The following GSE1 variants were observed in gnomAD, a reference collection of about 807,000 sequenced individuals.
GSE1 encodes genetic suppressor element 1.
In GSE1, 32 loss-of-function variants were observed where a neutral mutation model predicts 112.6. That is an observed-to-expected ratio of 0.28 (90% CI 0.21 to 0.38). The LOEUF (loss-of-function observed/expected upper bound fraction) is 0.38. Among genes scored for constraint, GSE1 ranks in the 10% least tolerant of loss-of-function variants. The probability of loss-of-function intolerance (pLI) is 1.00; values close to 1 mark genes in which losing one functional copy is unlikely to be tolerated. For missense variants in GSE1, 2,348 were observed against 1,699.2 expected (o/e 1.38, Z -6.71); for synonymous variants, 1,115 against 735.6 (o/e 1.52, Z -8.35).
In GSE1 at chr16:85,648,561, T is replaced by A; in HGVS notation, c.236T>A (p.Leu79Gln). ...KQAEEPRGSSLSSESSPVSSP... is the reference protein window; with the variant it reads ...KQAEEPRGSSQSSESSPVSSP... ...GTCTTCTCCTCCACAGGGTCCTCAC[T>A]GAGCAGCGAGTCGTCCCCCGTGTCC... Residue 79 changes from leucine to glutamine, a missense_variant, in exon 3 of 16, where the codon CTG (leucine) becomes CAG (glutamine). Transcript: ENST00000253458. 6.4e-7 allele frequency: 1 copy of A among 1,559,586 alleles called. No homozygotes were observed. The highest frequency in any genetic ancestry group is 8.7e-7 in the Non-Finnish European group (1 of 1,151,536).
At chr16:85,502,774 G>A (rs78096384) in intron 2 of GSE1, among the ~76,000 whole-genome samples, 17,996 of 152,262 alleles carry the variant, frequency 0.12, 1,170 homozygotes, top group South Asian at 0.26. Flanking sequence ...GAAGGACTGC[G>A]TTTACTCTGG....
intron 1 of GSE1, among the ~76,000 whole-genome samples, chr16:85,246,498 ACAC>A (rs1411973143): frequency 9.5e-5 from 3 of 31,534 alleles, no homozygotes; most frequent in South Asian, 1.1e-3. Context: ...CACACTCTAC[ACAC>A]CCCCCCCCCC....
chr16:85,458,753 A>T (rs2049900326), intron 2 of GSE1, among the ~76,000 whole-genome samples: 1 of 152,200 alleles, frequency 6.6e-6, no homozygotes. Context: ...TGTCCTCCCC[A>T]GCACTGCTGG....
chr16:85,635,554 G>A (rs1474920989), intron 2 of GSE1, among the ~76,000 whole-genome samples: 1 of 152,340 alleles, frequency 6.6e-6, no homozygotes, highest in East Asian at 1.9e-4. Flanking sequence ...CTGGGAGGAA[G>A]CTGAGCTTGG....
intron 2 of GSE1, among the ~76,000 whole-genome samples, chr16:85,640,786 C>A (rs190578271): frequency 1.3e-5 from 2 of 152,258 alleles, no homozygotes; most frequent in African/African-American, 4.8e-5. Flanking sequence ...GCGCGCCTCG[C>A]GTGGGTGTCA....
intron 1 of GSE1, among the ~76,000 whole-genome samples, chr16:85,176,480 G>C (rs576533676): frequency 6.6e-6 from 1 of 152,254 alleles, no homozygotes; most frequent in Non-Finnish European, 1.5e-5. Flanking sequence ...GGCTTCCCCA[G>C]TGTGGACCAT....
upstream of GSE1, among the ~76,000 whole-genome samples, chr16:85,551,496 G>A (rs752624333): frequency 5.3e-5 from 8 of 152,200 alleles, no homozygotes; most frequent in African/African-American, 1.4e-4. Context: ...AATCCTTCCC[G>A]CTACCCCGTT....
chr16:85,402,093 C>T (rs924743060), intron 2 of GSE1, among the ~76,000 whole-genome samples: 4 of 152,230 alleles, frequency 2.6e-5, no homozygotes, highest in African/African-American at 7.2e-5. Context: ...AGTTTGAGAA[C>T]CACTGGCCCA....
At chr16:85,384,618 C>T (rs1179731704) in intron 2 of GSE1, among the ~76,000 whole-genome samples, 2 of 152,208 alleles carry the variant, frequency 1.3e-5, no homozygotes, top group African/African-American at 4.8e-5. Context: ...AAGCTGGGAC[C>T]TGTGCAGGCG....
At chr16:85,520,261 C>T (rs2151150442) in intron 2 of GSE1, among the ~76,000 whole-genome samples, 1 of 152,246 alleles carries the variant, frequency 6.6e-6, no homozygotes, top group Admixed American at 6.5e-5. Flanking sequence ...GAGGGCCGCG[C>T]TCTCATGCCC....
intron 1 of GSE1, among the ~76,000 whole-genome samples, chr16:85,261,356 A>G (rs1175923124): frequency 6.6e-6 from 1 of 152,234 alleles, no homozygotes; most frequent in South Asian, 2.1e-4. Context: ...TTCCATCTGT[A>G]CAGTGAGCAG....
upstream of GSE1, chr16:85,611,407 C>G (rs1294077155): frequency 5.3e-6 from 5 of 946,988 alleles, no homozygotes; most frequent in East Asian, 3.5e-4. Flanking sequence ...CGCGGCCGAG[C>G]CACCGTGTGG....
At chr16:85,633,023 G>GCCGCCA (rs1030143650) in intron 1 of GSE1, among the ~76,000 whole-genome samples, 1 of 152,104 alleles carries the variant, frequency 6.6e-6, no homozygotes, top group African/African-American at 2.4e-5. Context: ...TGCCGCCGCC[G>GCCGCCA]CCGCCGCTGT....
intron 2 of GSE1, among the ~76,000 whole-genome samples, chr16:85,646,564 TG>T (rs1312250217): frequency 6.6e-6 from 1 of 152,128 alleles, no homozygotes; most frequent in Non-Finnish European, 1.5e-5. Flanking sequence ...GGACACCAGT[TG>T]GGTGCTGTGT....
At chr16:85,572,806 T>C (rs2151339966) in intron 1 of GSE1, among the ~76,000 whole-genome samples, 1 of 152,208 alleles carries the variant, frequency 6.6e-6, no homozygotes, top group African/African-American at 2.4e-5. Flanking sequence ...TGGGGCCTTG[T>C]CTATTACCTA....
At chr16:85,357,562 C>T (rs1284784411) in exon 2 of GSE1, 1 of 1,288,412 alleles carries the variant, frequency 7.8e-7, no homozygotes, top group Non-Finnish European at 1.0e-6. Flanking sequence ...GCCCAGAGGC[C>T]CCAGGATGGC....
chr16:85,593,552 C>A, intron 1 of GSE1: 1 of 152,966 alleles, frequency 6.5e-6, no homozygotes, highest in East Asian at 1.9e-4. Context: ...TTCCTGCTTC[C>A]ACGTCCTGAC....
At chr16:85,330,743 C>CTGAGTTCTCCTGCCCCTCTT (rs1567691974) in intron 1 of GSE1, among the ~76,000 whole-genome samples, 1 of 152,236 alleles carries the variant, frequency 6.6e-6, no homozygotes, top group African/African-American at 2.4e-5. Context: ...CTGCCCCTCT[C>CTGAGTTCTCCTGCCCCTCTT]TGAGTTCTCC....
At chr16:85,430,631 G>A (rs376466106) in intron 2 of GSE1, among the ~76,000 whole-genome samples, 2 of 152,220 alleles carry the variant, frequency 1.3e-5, no homozygotes, top group African/African-American at 4.8e-5. Flanking sequence ...TGCATGGAAC[G>A]GGGACGCCTG....
Sources: allele counts gnomAD v4.1 joint callset (sites outside exome capture counted in the v4.1 genomes callset), GRCh38; gene constraint gnomAD v4.1.1; transcripts MANE v1.5; gene names NCBI Gene and HGNC (gene_info 2026-07-23, HGNC 2026-07-21).